Variants in TNFAIP2 observed in about 807,000 individuals in gnomAD.
TNFAIP2 encodes tumor necrosis factor alpha-induced protein 2.
Under a neutral mutation model 63.5 loss-of-function variants are expected in TNFAIP2, and 47 were observed. The observed-to-expected ratio is 0.74, with a 90% CI of 0.59 to 0.94. The LOEUF (loss-of-function observed/expected upper bound fraction) is 0.94. TNFAIP2 is among the 40% of genes least tolerant of loss of function. The pLI is 0.00. For synonymous variants in TNFAIP2, 405 were observed against 390.2 expected (o/e 1.04, Z -0.45); for missense variants, 787 against 850.2 (o/e 0.93, Z 0.92).
At position 103,132,996 on chromosome 14, in the gene TNFAIP2, A is replaced by T. The variant is rs2234140; in HGVS notation, c.1545+124A>T. ...CACGCGCACATGTGAACACACGTGA[A>T]TGCACGAGCATGTGAACACGTGCAC... On this transcript the variant is annotated intron_variant, in intron 9 of 11. Transcript: ENST00000560869. 3.5e-3 allele frequency: 5,036 copies of T among 1,439,638 alleles called. 130 individuals carry two copies. In the African/African-American group the frequency reaches 0.062, roughly 18 times the overall value. The allele number at this position is 1,439,638 out of a possible 1,614,324, so 89.2% of individuals were successfully genotyped here.
Position 103,133,755 on chromosome 14 carries a change from C to G in TNFAIP2, c.1775C>G (p.Ala592Gly), listed in dbSNP as rs751980857. Residue 592 changes from alanine (A) to glycine (G), a missense_variant, in exon 11 of 12, where the codon GCC becomes GGC. Physicochemically the swap from Ala to Gly is moderately conservative, Grantham distance 60. Coordinates refer to ENST00000560869, the MANE Select transcript of TNFAIP2 (RefSeq NM_006291.4). ...AEIIRLQDPS[A>G]IKIEVATYAT... ...ATCATTCGCCTGCAGGACCCCAGTG[C>G]CATCAAGATTGAGGTGGCCACTTAT... 1 of 1,596,838 alleles carries G rather than the reference C, an allele frequency of 6.3e-7. No individual in the cohort carries two copies. The highest frequency in any genetic ancestry group is 1.3e-5 in the African/African-American group (1 of 74,168).
In TNFAIP2 at chr14:103,129,989, C is replaced by T. The variant is rs770060141; in HGVS notation, c.976-13C>T. 5.6e-6 allele frequency: 9 copies of T among 1,610,660 alleles called. No individual in the cohort carries two copies. The African/African-American group carries it at 8.0e-5, about 14-fold the overall frequency. On this transcript the variant is annotated splice_polypyrimidine_tract_variant and intron_variant, in intron 4 of 11. Coordinates refer to ENST00000560869, the MANE Select transcript of TNFAIP2 (RefSeq NM_006291.4). ...AGGGATAGTGCCCCAGTGACCTGCC[C>T]CTCCTCCTCCAGGCCAATGTGAGGG...
In TNFAIP2 at chr14:103,136,866, G is replaced by A. The variant is rs1052725611; in HGVS notation, c.*1506G>A. 3.9e-5 allele frequency: 6 copies of A among 152,308 alleles called. No individual in the cohort carries two copies. Among genetic ancestry groups the A allele is most frequent in the Admixed American group, 2.6e-4 (4 of 15,304 alleles). 9.4% of individuals were successfully genotyped at this position (152,308 alleles called of 1,614,324 possible). A position where few individuals can be genotyped will look rare whatever the true frequency, so the allele number is the denominator to read the frequency against. ...TGCGCCTACCCAGAGAACCCAGGTC[G>A]TCTTTCTATTTTCAGGTCAGCTGAT... On this transcript the variant is annotated 3_prime_UTR_variant, in exon 12 of 12. Coordinates refer to ENST00000560869, the MANE Select transcript of TNFAIP2 (RefSeq NM_006291.4).
chr14:103,129,742 ACAT>A lies in TNFAIP2; in HGVS notation c.869_871del (p.Ile290del). 1 of 1,613,552 alleles carries A rather than the reference ACAT, an allele frequency of 6.2e-7. No individual in the cohort carries two copies. The highest frequency in any genetic ancestry group is 1.1e-5 in the South Asian group (1 of 91,066). The stretch of plus-strand genomic sequence containing the variant: ...ATGCCAGCCTCCCCTGCCTGCAGTG[ACAT>A]CATCAACAGCCCCAAGCTGGTGGGT... On this transcript the variant is annotated inframe_deletion, in exon 4 of 12. Coordinates refer to ENST00000560869, the MANE Select transcript of TNFAIP2 (RefSeq NM_006291.4).
chr14:103,130,373 TA>T lies in TNFAIP2; in HGVS notation c.1160del (p.Lys387SerfsTer12). On this transcript the variant is annotated frameshift_variant, in exon 6 of 12. Transcript: ENST00000560869. LOFTEE classifies it high-confidence loss of function. ...ESITLDLGSQ[I>X]KRVLLVELPA... The stretch of plus-strand genomic sequence containing the variant: ...ATCACGCTGGACTTGGGCTCACAGA[TA>T]AAGCGGGTGCTGCTGGTGGAGCTGC... 6.4e-7 allele frequency: 1 copy of T among 1,570,040 alleles called. No homozygotes were observed. The highest frequency in any genetic ancestry group is 8.6e-7 in the Non-Finnish European group (1 of 1,157,116).
chr14:103,133,897 C>T, intron 11 of TNFAIP2, 94 bp downstream of exon 11: 1 of 1,454,694 alleles, frequency 6.9e-7, no homozygotes. Flanking sequence ...GGCAGCTGCC[C>T]ACGTGCCAGT....
intron 1 of TNFAIP2, among the ~76,000 whole-genome samples, chr14:103,125,803 G>T (rs2087840273): frequency 6.6e-6 from 1 of 152,202 alleles, no homozygotes; most frequent in Admixed American, 6.5e-5. Context: ...TGGCAGAGGG[G>T]CTGGGTCTGG....
intron 4 of TNFAIP2, 23 bp from the exon 5 acceptor site, chr14:103,129,979 G>T: frequency 6.2e-7 from 1 of 1,610,386 alleles, no homozygotes; most frequent in Non-Finnish European, 8.5e-7. Context: ...TAGTGCCCCA[G>T]TGACCTGCCC....
At chr14:103,122,373 G>A (rs1359943797), upstream of TNFAIP2, among the ~76,000 whole-genome samples, 1 of 152,202 alleles carries the variant, frequency 6.6e-6, no homozygotes, top group African/African-American at 2.4e-5. Flanking sequence ...GTGGCGGAGT[G>A]ATCAGGGGGC....
chr14:103,129,504 TG>T lies in TNFAIP2; in HGVS notation c.861-226del, dbSNP rs35176857. ...GGGGCTATTTTGGAGCAGGACCTAA[TG>T]GGGGGGGGGTGGTGAGAGAGTCAGA... On this transcript the variant is annotated intron_variant, in intron 3 of 11. Coordinates refer to ENST00000560869, the MANE Select transcript of TNFAIP2 (RefSeq NM_006291.4). Among the ~76,000 whole-genome samples the T allele has an allele frequency of 6.4e-3, 833 of 129,372 alleles. 10 individuals are homozygous for T. The highest frequency in any genetic ancestry group is 0.021 in the African/African-American group (719 of 34,472). 84.9% of individuals were successfully genotyped at this position (129,372 alleles called of 152,430 possible). A position where few individuals can be genotyped will look rare whatever the true frequency, so the allele number is the denominator to read the frequency against.
chr14:103,122,085 G>A (rs991229971), upstream of TNFAIP2, among the ~76,000 whole-genome samples: 4 of 152,254 alleles, frequency 2.6e-5, no homozygotes, highest in African/African-American at 9.6e-5. Flanking sequence ...GCGGCTCTGT[G>A]GACTCATCTG....
chr14:103,122,504 G>A, upstream of TNFAIP2: 2 of 374,534 alleles, frequency 5.3e-6, no homozygotes, highest in Non-Finnish European at 1.1e-5. Context: ...GGAATTCCTA[G>A]CCTAGAGTGT....
intron 5 of TNFAIP2, 90 bp downstream of exon 5, chr14:103,130,214 C>A: frequency 6.5e-7 from 1 of 1,544,226 alleles, no homozygotes; most frequent in South Asian, 1.2e-5. Flanking sequence ...ATACCCATGC[C>A]CACCTCGGGG....
At chr14:103,134,476 C>T (rs1163300734) in intron 11 of TNFAIP2, among the ~76,000 whole-genome samples, 6 of 134,222 alleles carry the variant, frequency 4.5e-5, no homozygotes, top group Non-Finnish European at 9.7e-5. Context: ...ACCCACCCAC[C>T]CGTCTATCCA....
Position 103,131,544 on chromosome 14 carries a change from G to C in TNFAIP2, c.1299-95G>C, listed in dbSNP as rs1302196294. ...CCATAGAGAATGGGGAGCCATTGAG[G>C]GTTCTAGAGTGAAGAGAGGGGGCTG... On this transcript the variant is annotated intron_variant, in intron 7 of 11. Coordinates refer to ENST00000560869, the MANE Select transcript of TNFAIP2 (RefSeq NM_006291.4). The surrounding 1 kb of genome is among the most constrained non-coding windows in gnomAD (Gnocchi z 4.0). 1 of 1,443,094 alleles carries C rather than the reference G, an allele frequency of 6.9e-7. No homozygotes were observed. Among genetic ancestry groups the C allele is most frequent in the African/African-American group, 1.4e-5 (1 of 70,286 alleles). 89.4% of individuals were successfully genotyped at this position (1,443,094 alleles called of 1,614,324 possible).
rs529313689 is a variant in TNFAIP2, at chr14:103,133,215, C to T, written c.1546-147C>T. ...GCATGTGAACGCATGAGCATGTGAA[C>T]GCACACATGTGGACGCACGAGCACG... On this transcript the variant is annotated intron_variant, in intron 9 of 11. Transcript: ENST00000560869. 6.5e-5 allele frequency: 67 copies of T among 1,024,632 alleles called. 1 individual carries two copies. The South Asian group carries it at 9.2e-4, about 14-fold the overall frequency. The allele number at this position is 1,024,632 out of a possible 1,614,324, so 63.5% of individuals were successfully genotyped here.
At position 103,129,851 on chromosome 14, in the gene TNFAIP2, G is replaced by T; in HGVS notation, c.972G>T (p.Glu324Asp). 6.2e-7 allele frequency: 1 copy of T among 1,613,574 alleles called. No individual in the cohort carries two copies. Among genetic ancestry groups the T allele is most frequent in the Non-Finnish European group, 8.5e-7 (1 of 1,179,602 alleles). Residue 324 changes from glutamate (E) to aspartate (D), a missense_variant, in exon 4 of 12, where the codon GAG becomes GAT. Physicochemically the swap from Glu to Asp is conservative, Grantham distance 45 (BLOSUM62 2). Around this residue, in one of 3 missense-constraint regions of TNFAIP2, gnomAD observed 523 missense variants for 604.1 expected, o/e 0.87. Transcript: ENST00000560869. ...TGGAGGCCACATTCCTGTCCAGTGA[G>T]GCGGTGAGTCTCCACCTGGGCCAGG... The part of the protein sequence containing the change: ...RLLEATFLSS[E>D]AANVRELMDR...
chr14:103,126,805 C>G, intron 2 of TNFAIP2, 113 bp downstream of exon 2: 1 of 1,345,700 alleles, frequency 7.4e-7, no homozygotes, highest in Non-Finnish European at 1.0e-6. Flanking sequence ...GAAGGCGCGT[C>G]TGTCTCCCTG....
chr14:103,129,904 G>A (rs2087935376), intron 4 of TNFAIP2, 50 bp downstream of exon 4: 1 of 1,607,774 alleles, frequency 6.2e-7, no homozygotes, highest in African/African-American at 1.3e-5. Context: ...CAGAGGAGAG[G>A]CTCGGAGACA....
Sources: allele counts gnomAD v4.1 joint callset (sites outside exome capture counted in the v4.1 genomes callset), GRCh38; gene constraint gnomAD v4.1.1; regional missense constraint gnomAD v4.1.1; non-coding constraint Gnocchi (gnomAD v3.1); transcripts MANE v1.5; gene names NCBI Gene and HGNC (gene_info 2026-07-23, HGNC 2026-07-21).